The following RUNDC3B variants were observed in gnomAD, a reference collection of about 807,000 sequenced individuals.
The protein encoded by RUNDC3B is RUN domain containing 3B.
In RUNDC3B, 33 loss-of-function variants were observed where a neutral mutation model predicts 58.4. That is an observed-to-expected ratio of 0.56 (90% CI 0.43 to 0.75). RUNDC3B has a LOEUF of 0.75. Among genes scored for constraint, RUNDC3B ranks in the 30% least tolerant of loss-of-function variants. The pLI, the probability that RUNDC3B is intolerant of heterozygous loss-of-function variation, is 0.00. For missense variants in RUNDC3B, 501 were observed against 535.7 expected (o/e 0.94, Z 0.64); for synonymous variants, 193 against 195.2 (o/e 0.99, Z 0.10).
At chr7:87,811,923 G>C (rs1460619858) in intron 9 of RUNDC3B, among the ~76,000 whole-genome samples, 1 of 152,166 alleles carries the variant, frequency 6.6e-6, no homozygotes, top group East Asian at 1.9e-4. Context: ...AGAACAAAAA[G>C]TACATATCTG....
intron 10 of RUNDC3B, among the ~76,000 whole-genome samples, chr7:87,817,836 A>G (rs1042354175): frequency 1.3e-5 from 2 of 152,208 alleles, no homozygotes; most frequent in African/African-American, 4.8e-5. Context: ...TGTATGAACT[A>G]GAGTCTTGAC....
At chr7:87,684,503 C>G (rs1290326325) in intron 2 of RUNDC3B, among the ~76,000 whole-genome samples, 2 of 152,026 alleles carry the variant, frequency 1.3e-5, no homozygotes, top group Non-Finnish European at 2.9e-5. Context: ...AGACCCAGCA[C>G]TTTGGGAGGC....
intron 1 of RUNDC3B, among the ~76,000 whole-genome samples, chr7:87,643,701 TA>T (rs1822683644): frequency 1.3e-5 from 2 of 148,890 alleles, no homozygotes; most frequent in African/African-American, 5.0e-5. Context: ...TTTTTTTTTG[TA>T]TTTTAGTAGA....
At chr7:87,659,140 C>G (rs188446121) in intron 2 of RUNDC3B, 1 of 371,664 alleles carries the variant, frequency 2.7e-6, no homozygotes, top group Non-Finnish European at 5.2e-6. Context: ...CTAGCCTGGG[C>G]AATAGAATGA....
chr7:87,700,674 C>T (rs181228675), intron 3 of RUNDC3B, 120 bp downstream of exon 3: 12 of 869,584 alleles, frequency 1.4e-5, no homozygotes, highest in Middle Eastern at 2.7e-4. Context: ...TAATAAAATA[C>T]GTCCTGTTCT....
intron 8 of RUNDC3B, among the ~76,000 whole-genome samples, chr7:87,788,553 C>T (rs1237090589): frequency 6.6e-6 from 1 of 151,764 alleles, no homozygotes; most frequent in African/African-American, 2.4e-5. Flanking sequence ...TTAGTTGGCT[C>T]CAGTAACTGT....
At chr7:87,655,831 T>A (rs1824045758) in intron 2 of RUNDC3B, among the ~76,000 whole-genome samples, 1 of 151,630 alleles carries the variant, frequency 6.6e-6, no homozygotes, top group South Asian at 2.1e-4. Context: ...TTTTGGGAGG[T>A]GTTCTTAGCT....
chr7:87,810,757 C>A (rs143264044), intron 9 of RUNDC3B, among the ~76,000 whole-genome samples: 187 of 152,234 alleles, frequency 1.2e-3, no homozygotes, highest in African/African-American at 4.3e-3. Flanking sequence ...TTAGACCCGG[C>A]AAGCTATGCT....
intron 6 of RUNDC3B, among the ~76,000 whole-genome samples, chr7:87,752,126 A>T (rs543109245): frequency 3.9e-4 from 60 of 152,232 alleles, no homozygotes; most frequent in African/African-American, 1.4e-3. Flanking sequence ...GCATCTATTG[A>T]GATAATCATA....
intron 2 of RUNDC3B, among the ~76,000 whole-genome samples, chr7:87,660,926 G>A (rs1345727598): frequency 6.6e-6 from 1 of 151,824 alleles, no homozygotes; most frequent in Non-Finnish European, 1.5e-5. Context: ...GGTTTGTATG[G>A]TAGATTTTGT....
intron 6 of RUNDC3B, among the ~76,000 whole-genome samples, chr7:87,765,193 A>G (rs1833911687): frequency 6.6e-6 from 1 of 151,596 alleles, no homozygotes; most frequent in South Asian, 2.1e-4. Flanking sequence ...TGTTTTTTCC[A>G]TTGTTAATAT....
intron 2 of RUNDC3B, among the ~76,000 whole-genome samples, chr7:87,668,839 G>C (rs141738270): frequency 6.6e-6 from 1 of 152,258 alleles, no homozygotes; most frequent in East Asian, 1.9e-4. Context: ...TGATCCAAGA[G>C]TGTGTTTGGT....
At chr7:87,674,706 T>C (rs1826148620) in intron 2 of RUNDC3B, among the ~76,000 whole-genome samples, 1 of 152,046 alleles carries the variant, frequency 6.6e-6, no homozygotes. Context: ...AAAGGAGGCA[T>C]GATAGGGCCC....
At chr7:87,668,498 AT>A (rs1279392448) in intron 2 of RUNDC3B, among the ~76,000 whole-genome samples, 4 of 150,506 alleles carry the variant, frequency 2.7e-5, no homozygotes, top group African/African-American at 9.8e-5. Context: ...TTCAGCTCTG[AT>A]TTTTTTTCTT....
chr7:87,710,914 A>G (rs1324985608), intron 4 of RUNDC3B, among the ~76,000 whole-genome samples: 1 of 151,864 alleles, frequency 6.6e-6, no homozygotes, highest in Non-Finnish European at 1.5e-5. Flanking sequence ...TACTCTTTCA[A>G]CTCTTGAAGC....
intron 4 of RUNDC3B, among the ~76,000 whole-genome samples, chr7:87,723,279 T>G (rs1450277164): frequency 6.6e-6 from 1 of 151,996 alleles, no homozygotes; most frequent in Non-Finnish European, 1.5e-5. Flanking sequence ...ATAATCACAA[T>G]AGAATAAAGA....
chr7:87,796,023 A>G (rs1835799799), intron 8 of RUNDC3B, among the ~76,000 whole-genome samples: 1 of 152,224 alleles, frequency 6.6e-6, no homozygotes, highest in Non-Finnish European at 1.5e-5. Context: ...TTTGCATCAT[A>G]ATTTACAATA....
chr7:87,787,437 A>AT (rs1835281970), intron 8 of RUNDC3B, among the ~76,000 whole-genome samples: 3 of 151,848 alleles, frequency 2.0e-5, no homozygotes, highest in South Asian at 2.1e-4. Context: ...CATTGTGTTG[A>AT]TTTTTTTTCC....
chr7:87,712,631 T>C (rs1191834938), intron 4 of RUNDC3B, among the ~76,000 whole-genome samples: 1 of 152,114 alleles, frequency 6.6e-6, no homozygotes, highest in Non-Finnish European at 1.5e-5. Context: ...AGATTATTTT[T>C]AGAACAAGTA....
Sources: allele counts gnomAD v4.1 joint callset (sites outside exome capture counted in the v4.1 genomes callset), GRCh38; gene constraint gnomAD v4.1.1; transcripts MANE v1.5; gene names NCBI Gene and HGNC (gene_info 2026-07-23, HGNC 2026-07-21).